ST6GAL2: variants seen among roughly 807,000 people sequenced by gnomAD.
ST6GAL2 encodes the protein ST6 beta-galactoside alpha-2,6-sialyltransferase 2.
ST6GAL2 carries 24 observed loss-of-function variants against 37.5 expected under a neutral mutation model. That is an observed-to-expected ratio of 0.64 (90% CI 0.46 to 0.90). The LOEUF (loss-of-function observed/expected upper bound fraction) is 0.90, where lower values mean the gene tolerates loss of function less well. Ranked by LOEUF, ST6GAL2 falls within the 40% of genes least tolerant of loss-of-function variation. The pLI is 0.00. For missense variants in ST6GAL2, 715 were observed against 712.7 expected (o/e 1.00, Z -0.04); for synonymous variants, 306 against 295.1 (o/e 1.04, Z -0.38).
rs991287025 is a variant in ST6GAL2 at position 106,806,511 on chromosome 2, T to C, written c.*167A>G. 21 of 768,422 alleles carry C rather than the reference T, an allele frequency of 2.7e-5. No individual in the cohort carries two copies. The South Asian group carries it at 3.6e-4, about 13-fold the overall frequency. The allele number at this position is 768,422 out of a possible 1,614,324, so 47.6% of individuals were successfully genotyped here. A position where few individuals can be genotyped will look rare whatever the true frequency, so the allele number is the denominator to read the frequency against. ...AAAACCATTTCTATGTTCAAAGCAG[T>C]AATACATACTCAATGGCTTAGAAAG... On this transcript the variant is annotated 3_prime_UTR_variant, in exon 6 of 6. Transcript: ENST00000409382.
chr2:106,858,535 A>T (rs536411583), intron 1 of ST6GAL2, among the ~76,000 whole-genome samples: 2 of 152,186 alleles, frequency 1.3e-5, no homozygotes, highest in African/African-American at 2.4e-5. Flanking sequence ...GTGAAGAAGG[A>T]AGGTCAAAAA....
chr2:106,843,570 A>G lies in ST6GAL2; in HGVS notation c.408T>C (p.Gly136=). 6.2e-7 allele frequency: 1 copy of G among 1,614,002 alleles called. No homozygotes were observed. ...PEDDDYFFAA[G]QPGWHSHTQG... is the part of the protein sequence containing the mutation. Reference sequence around the variant, plus strand: ...GAGTGTGGCTGTGCCACCCTGGCTGACCAGCAGCAAAAAAGTAGTCGTCAT... The same window carrying G: ...GAGTGTGGCTGTGCCACCCTGGCTGGCCAGCAGCAAAAAAGTAGTCGTCAT... Residue 136 remains glycine (G), a synonymous_variant, in exon 2 of 6, where the codon GGT becomes GGC. Transcript: ENST00000409382.
At chr2:106,855,246 G>C (rs1235136497) in intron 1 of ST6GAL2, among the ~76,000 whole-genome samples, 5 of 152,208 alleles carry the variant, frequency 3.3e-5, no homozygotes, top group Non-Finnish European at 2.9e-5. Context: ...CCTCTCACAA[G>C]AACCCAGGGA....
chr2:106,817,455 T>C (rs917698725), intron 5 of ST6GAL2, among the ~76,000 whole-genome samples: 1 of 152,178 alleles, frequency 6.6e-6, no homozygotes, highest in African/African-American at 2.4e-5. Context: ...CTGACATTTC[T>C]AGACACATCT....
Position 106,843,721 on chromosome 2 carries a change from G to A in ST6GAL2, c.257C>T (p.Ala86Val). 1 of 1,612,894 alleles carries A rather than the reference G, an allele frequency of 6.2e-7. No individual in the cohort carries two copies. Among genetic ancestry groups the A allele is most frequent in the South Asian group, 1.1e-5 (1 of 91,070 alleles). Residue 86 changes from alanine (A) to valine (V), a missense_variant, in exon 2 of 6, where the codon GCC becomes GTC. Physicochemically the swap from Ala to Val is moderately conservative, Grantham distance 64 (BLOSUM62 0). Around this residue, in one of 3 missense-constraint regions of ST6GAL2, gnomAD observed 512 missense variants for 488.8 expected, o/e 1.05. Coordinates refer to ENST00000409382, the MANE Select transcript of ST6GAL2 (RefSeq NM_001142351.2). ...ARQALPRAHP[A>V]GSFHAGPGDL... ...TCCAGGCCCCGCATGAAAGGAACCGGCTGGGTGGGCGCGGGGCAGCGCCTG... is the reference window on the plus strand; with the variant it reads ...TCCAGGCCCCGCATGAAAGGAACCGACTGGGTGGGCGCGGGGCAGCGCCTG...
rs534964658 is a variant in ST6GAL2 at position 106,836,729 on chromosome 2, A to T, written c.944-2583T>A. Reference sequence around the variant, plus strand: ...GATCATCTGAGGTTGGGAGTTCGAGACCAGCCTGACCACCATGGAGAAACC... The same window carrying T: ...GATCATCTGAGGTTGGGAGTTCGAGTCCAGCCTGACCACCATGGAGAAACC... On this transcript the variant is annotated intron_variant, in intron 2 of 5. Transcript: ENST00000409382. Among the ~76,000 whole-genome samples, 3 of 144,322 alleles carry T rather than the reference A, an allele frequency of 2.1e-5. No homozygotes were observed. The South Asian group carries it at 6.8e-4, about 33-fold the overall frequency. The allele number at this position is 144,322 out of a possible 152,430, so 94.7% of individuals were successfully genotyped here. A position where few individuals can be genotyped will look rare whatever the true frequency, so the allele number is the denominator to read the frequency against.
intron 1 of ST6GAL2, among the ~76,000 whole-genome samples, chr2:106,865,528 C>T (rs1313877013): frequency 6.6e-6 from 1 of 152,226 alleles, no homozygotes; most frequent in Non-Finnish European, 1.5e-5. Context: ...AACACCCGGT[C>T]AGCAGGTAAC....
chr2:106,883,297 G>A (rs1456830062), intron 1 of ST6GAL2, among the ~76,000 whole-genome samples: 2 of 152,128 alleles, frequency 1.3e-5, no homozygotes, highest in African/African-American at 4.8e-5. Flanking sequence ...TGATATCTTC[G>A]CATTGTGTAC....
chr2:106,848,043 C>CTTTT (rs1170945878), intron 1 of ST6GAL2, among the ~76,000 whole-genome samples: 1 of 140,172 alleles, frequency 7.1e-6, no homozygotes, highest in Admixed American at 7.2e-5. Context: ...TTTTCTCTTT[C>CTTTT]TTTTTTTTTT....
chr2:106,842,887 T>C, intron 2 of ST6GAL2, 148 bp downstream of exon 2: 1 of 511,946 alleles, frequency 2.0e-6, no homozygotes, highest in Non-Finnish European at 3.2e-6. Flanking sequence ...GGAAAGCACC[T>C]GAAGAATCTC....
At chr2:106,815,484 G>A (rs1466805493) in intron 5 of ST6GAL2, among the ~76,000 whole-genome samples, 1 of 152,158 alleles carries the variant, frequency 6.6e-6, no homozygotes, top group African/African-American at 2.4e-5. Flanking sequence ...TATGATCTCT[G>A]TAATAGCAAG....
At chr2:106,836,141 T>C (rs1676627056) in intron 2 of ST6GAL2, among the ~76,000 whole-genome samples, 2 of 152,148 alleles carry the variant, frequency 1.3e-5, no homozygotes, top group South Asian at 2.1e-4. Flanking sequence ...AAAACCTCTA[T>C]ATTTTCAAAA....
At chr2:106,818,758 A>T (rs1584370) in intron 5 of ST6GAL2, among the ~76,000 whole-genome samples, 14,057 of 152,188 alleles carry the variant, frequency 0.092, 1,307 homozygotes, top group East Asian at 0.49. Context: ...ATCAGTGACC[A>T]ATCCCACAGA....
intron 2 of ST6GAL2, among the ~76,000 whole-genome samples, chr2:106,838,437 T>A (rs1676735402): frequency 6.6e-6 from 1 of 152,156 alleles, no homozygotes; most frequent in African/African-American, 2.4e-5. Context: ...GGACAAAGCA[T>A]CGCTTTGGGA....
chr2:106,824,158 A>G (rs1436100652), intron 5 of ST6GAL2, among the ~76,000 whole-genome samples: 1 of 152,228 alleles, frequency 6.6e-6, no homozygotes, highest in African/African-American at 2.4e-5. Context: ...TCCCCACTTG[A>G]TAGGAACAAA....
At chr2:106,886,451 G>C (rs1678999867), upstream of ST6GAL2, 2 of 152,074 alleles carry the variant, frequency 1.3e-5, 1 homozygote, top group South Asian at 4.1e-4. Flanking sequence ...GCTGCTCCGC[G>C]CCGGCGGCAG....
chr2:106,882,876 C>T (rs1426418666), intron 1 of ST6GAL2, among the ~76,000 whole-genome samples: 2 of 152,220 alleles, frequency 1.3e-5, no homozygotes, highest in African/African-American at 4.8e-5. Context: ...AGAACAGTTC[C>T]GTCCAGATAG....
chr2:106,842,530 T>C (rs894517058), intron 2 of ST6GAL2, among the ~76,000 whole-genome samples: 2 of 152,214 alleles, frequency 1.3e-5, no homozygotes, highest in African/African-American at 4.8e-5. Flanking sequence ...ATTATCTTCA[T>C]GCACCCTGCT....
intron 5 of ST6GAL2, 51 bp downstream of exon 5, chr2:106,830,015 A>G (rs759984809): frequency 1.3e-6 from 2 of 1,511,480 alleles, no homozygotes; most frequent in African/African-American, 1.4e-5. Context: ...TAAATATTAG[A>G]TATCATCCTG....
Sources: gnomAD v4.1 joint callset for allele counts (sites outside exome capture counted in the v4.1 genomes callset) on GRCh38, gnomAD v4.1.1 for gene constraint, gnomAD v4.1.1 regional missense constraint, MANE v1.5 for transcripts, NCBI Gene and HGNC (gene_info 2026-07-23, HGNC 2026-07-21) for gene names.